ENOX2: variants seen among roughly 807,000 people sequenced by gnomAD.
The protein encoded by ENOX2 is ecto-NOX disulfide-thiol exchanger 2.
A neutral mutation model predicts 45.0 loss-of-function variants in ENOX2; 36 were observed. The observed-to-expected ratio is 0.80, with a 90% CI of 0.61 to 1.06. The LOEUF is 1.06. Among genes scored for constraint, ENOX2 ranks in the 50% least tolerant of loss-of-function variants. The probability of loss-of-function intolerance (pLI) is 0.00; values close to 1 mark genes in which losing one functional copy is unlikely to be tolerated. For missense variants in ENOX2, 423 were observed against 462.5 expected (o/e 0.91, Z 0.78); for synonymous variants, 174 against 152.3 (o/e 1.14, Z -1.05).
At chrX:130,809,442 G>C (rs750836652) in intron 2 of ENOX2, among the ~76,000 whole-genome samples, 1 of 112,076 alleles carries the variant, frequency 8.9e-6, no homozygotes, top group Non-Finnish European at 1.9e-5. Flanking sequence ...GGATTCTACT[G>C]GGATGACAAT....
chrX:130,816,148 A>G (rs1047945680), intron 2 of ENOX2, among the ~76,000 whole-genome samples: 19 of 112,283 alleles, frequency 1.7e-4, no homozygotes, highest in Admixed American at 5.7e-4. Flanking sequence ...CTTTAAACCA[A>G]CAAAGACCAA....
chrX:130,761,355 T>C (rs775335461), intron 3 of ENOX2, among the ~76,000 whole-genome samples: 30 of 111,879 alleles, frequency 2.7e-4, no homozygotes, highest in African/African-American at 9.1e-4. Context: ...AATAGTTATA[T>C]GGCTATTCAA....
chrX:130,645,841 G>A (rs2036218953), intron 10 of ENOX2: 1 of 698,091 alleles, frequency 1.4e-6, no homozygotes, highest in African/African-American at 2.1e-5. Context: ...CAGGAGGAGA[G>A]GGCAGTGAGA....
At chrX:130,703,581 G>A (rs963530156) in intron 3 of ENOX2, among the ~76,000 whole-genome samples, 2 of 110,043 alleles carry the variant, frequency 1.8e-5, no homozygotes, top group Admixed American at 9.7e-5. Context: ...TGATTAAGAA[G>A]TTTTCTATTC....
At chrX:130,679,983 T>A (rs1016997605) in intron 5 of ENOX2, among the ~76,000 whole-genome samples, 4 of 111,932 alleles carry the variant, frequency 3.6e-5, no homozygotes, top group African/African-American at 6.5e-5. Context: ...CCAGGCCTAT[T>A]TGTCTGTCCC....
intron 1 of ENOX2, among the ~76,000 whole-genome samples, 194 bp downstream of exon 1, chrX:130,902,855 G>A (rs1054836743): frequency 6.7e-5 from 7 of 104,309 alleles, no homozygotes; most frequent in Admixed American, 5.1e-4. Flanking sequence ...GCGCGCTCCC[G>A]GGCTCAAGAG....
intron 2 of ENOX2, among the ~76,000 whole-genome samples, chrX:130,831,117 C>T (rs745467271): frequency 3.3e-4 from 37 of 110,710 alleles, no homozygotes; most frequent in Middle Eastern, 4.2e-3. Flanking sequence ...TCCACTCCTG[C>T]AATAACTAAT....
chrX:130,876,964 T>A (rs989216308), intron 2 of ENOX2, among the ~76,000 whole-genome samples: 14 of 112,039 alleles, frequency 1.2e-4, no homozygotes, highest in African/African-American at 4.5e-4. Context: ...ATGGAGTAGA[T>A]ATAGGGAATA....
chrX:130,821,127 T>A (rs1371508550), intron 2 of ENOX2, among the ~76,000 whole-genome samples: 1 of 111,706 alleles, frequency 9.0e-6, no homozygotes, highest in African/African-American at 3.3e-5. Context: ...AAATGACTAA[T>A]TCTCTGGGGA....
chrX:130,788,800 C>T (rs999546900), intron 2 of ENOX2, among the ~76,000 whole-genome samples: 1 of 112,043 alleles, frequency 8.9e-6, no homozygotes, highest in African/African-American at 3.2e-5. Flanking sequence ...CTCCAGCCCA[C>T]AAAATTTACA....
intron 6 of ENOX2, among the ~76,000 whole-genome samples, chrX:130,672,760 G>A (rs1280552617): frequency 3.6e-5 from 4 of 111,941 alleles, no homozygotes; most frequent in African/African-American, 1.3e-4. Flanking sequence ...TTGTGATCCT[G>A]CCTGTCTAAG....
At position 130,839,129 on chromosome X, in the gene ENOX2, T is replaced by A. The variant is rs1453135072; in HGVS notation, c.-182-55439A>T. On this transcript the variant is annotated intron_variant, in intron 2 of 14. Coordinates refer to ENST00000394363, the MANE Select transcript of ENOX2 (RefSeq NM_006375.4). Reference sequence around the variant, plus strand: ...GTTACTACTGATTAAGCATCTCAAGTCATGTAAAGAGGTAGAGTTCATGCT... The same window carrying A: ...GTTACTACTGATTAAGCATCTCAAGACATGTAAAGAGGTAGAGTTCATGCT... Among the ~76,000 whole-genome samples the A allele has an allele frequency of 7.1e-5, 8 of 112,394 alleles. No individual in the cohort carries two copies. The Admixed American group carries it at 7.5e-4, about 11-fold the overall frequency.
chrX:130,635,113 A>T, intron 11 of ENOX2, 22 bp from the exon 12 acceptor site: 8 of 935,237 alleles, frequency 8.6e-6, no homozygotes, highest in Non-Finnish European at 1.1e-5. Context: ...GACCAAAGAC[A>T]ATCAATTTAT....
At chrX:130,900,888 T>C (rs1349233927) in intron 2 of ENOX2, among the ~76,000 whole-genome samples, 1 of 112,280 alleles carries the variant, frequency 8.9e-6, no homozygotes, top group African/African-American at 3.2e-5. Context: ...TACTTCATTG[T>C]TTCTCCAACA....
chrX:130,718,312 G>A (rs1340503131), intron 3 of ENOX2, among the ~76,000 whole-genome samples: 1 of 112,156 alleles, frequency 8.9e-6, no homozygotes, highest in African/African-American at 3.2e-5. Flanking sequence ...TAGGGAATAT[G>A]GAGGTGGCAG....
At position 130,779,111 on chromosome X, in the gene ENOX2, C is replaced by A. The variant is rs149213536; in HGVS notation, c.-39+4436G>T. 3.2e-3 allele frequency among the ~76,000 whole-genome samples: 363 copies of A among 112,570 alleles called. 2 individuals are homozygous for A. The highest frequency in any genetic ancestry group is 0.011 in the African/African-American group (349 of 31,068). The stretch of plus-strand genomic sequence containing the variant: ...TCTCAAACCAGGAGGCAGTTGGCAA[C>A]TTTGAGAAACGAACTTGGCATTGTG... On this transcript the variant is annotated intron_variant, in intron 3 of 14. Coordinates refer to ENST00000394363, the MANE Select transcript of ENOX2 (RefSeq NM_006375.4).
intron 13 of ENOX2, among the ~76,000 whole-genome samples, chrX:130,630,964 AAAACAAACAAACAAAC>A (rs76578446): frequency 1.0e-5 from 1 of 99,875 alleles, no homozygotes; most frequent in East Asian, 3.2e-4. Flanking sequence ...TCTGGAGGTT[AAAACAAACAAACAAAC>A]AAACAAACAA....
At chrX:130,840,358 G>A (rs1296264753) in intron 2 of ENOX2, among the ~76,000 whole-genome samples, 3 of 109,570 alleles carry the variant, frequency 2.7e-5, no homozygotes, top group African/African-American at 1.0e-4. Flanking sequence ...CAAAAATACT[G>A]TTGAAATTAA....
At chrX:130,847,926 C>A (rs1027737384) in intron 2 of ENOX2, among the ~76,000 whole-genome samples, 2 of 111,909 alleles carry the variant, frequency 1.8e-5, no homozygotes, top group Admixed American at 9.4e-5. Flanking sequence ...TATCTAATAA[C>A]CCCAGTTTCA....
Sources: gnomAD v4.1 joint callset for allele counts (sites outside exome capture counted in the v4.1 genomes callset) on GRCh38, gnomAD v4.1.1 for gene constraint, MANE v1.5 for transcripts, NCBI Gene and HGNC (gene_info 2026-07-23, HGNC 2026-07-21) for gene names.